Variants in ZNF446 observed in about 807,000 individuals in gnomAD.
ZNF446 encodes the protein zinc finger protein 446, also known as zinc finger protein with KRAB and SCAN domains 20.
A neutral mutation model predicts 34.0 loss-of-function variants in ZNF446; 42 were observed. That is an observed-to-expected ratio of 1.23 (90% CI 0.96 to 1.60). The LOEUF (loss-of-function observed/expected upper bound fraction) is 1.60, where lower values mean the gene tolerates loss of function less well. ZNF446 is among the 40% of genes most tolerant of loss of function. The pLI is 0.00. For missense variants in ZNF446, 650 were observed against 600.2 expected (o/e 1.08, Z -0.87); for synonymous variants, 315 against 251.0 (o/e 1.25, Z -2.41).
rs528099361 is a variant in ZNF446, at chr19:58,479,700, G to C, written c.685G>C (p.Glu229Gln). The C allele has an allele frequency of 1.2e-6, 2 of 1,613,632 alleles. No homozygotes were observed. The highest frequency in any genetic ancestry group is 2.2e-5 in the East Asian group (1 of 44,874). ...QKELYWDAMLEKYGTVVSLGL... is the reference protein window; with the variant it reads ...QKELYWDAMLQKYGTVVSLGL... ...GGAACTGTACTGGGATGCGATGCTG[G>C]AGAAGTACGGCACAGTGGTCTCCCT... is the stretch of plus-strand genomic sequence containing the variant. The change falls in exon 5 of 7, where the codon GAG (glutamate) becomes CAG (glutamine). Residue 229 changes from glutamate to glutamine, a missense_variant. Coordinates refer to ENST00000594369, the MANE Select transcript of ZNF446 (RefSeq NM_017908.4).
the ZNF446 span, among the ~76,000 whole-genome samples, chr19:58,487,018 T>TCTCGATCTC: frequency 1 from 151,500 of 151,784 alleles, 75,609 homozygotes; most frequent in East Asian, 1. Flanking sequence ...GCCAGGATGG[T>TCTCGATCTC]CTGACCTTGT....
At chr19:58,483,533 T>G (rs2053153836), downstream of ZNF446, 1 of 152,002 alleles carries the variant, frequency 6.6e-6, no homozygotes, top group African/African-American at 2.4e-5. Context: ...GGCGCATACC[T>G]GTAGTCCCAG....
chr19:58,479,604 G>T (rs1478494056), intron 4 of ZNF446, 39 bp from the exon 5 acceptor site: 1 of 1,605,378 alleles, frequency 6.2e-7, no homozygotes, highest in East Asian at 2.2e-5. Context: ...GGCAGGGAAG[G>T]GGTGGAAAGA....
rs776870474 is a variant in ZNF446, at chr19:58,477,713, C to T, written c.419C>T (p.Pro140Leu). The change falls in exon 3 of 7, where the codon CCC (proline) becomes CTC (leucine). Residue 140 changes from proline to leucine, a missense_variant. By Grantham distance (98) the Pro-to-Leu change is moderately conservative. Transcript: ENST00000594369. ...GAGGAACCACTTGGGAGCCCCCACC[C>T]CTCAGGGACAGTGGAGTCCCCTGGG... is the stretch of plus-strand genomic sequence containing the variant. ...KTEEPLGSPH[P>L]SGTVESPGEG... 1.9e-6 allele frequency: 3 copies of T among 1,613,908 alleles called. No individual in the cohort carries two copies. Among genetic ancestry groups the T allele is most frequent in the Non-Finnish European group, 2.5e-6 (3 of 1,180,008 alleles).
rs1212035839 is a variant in ZNF446, at chr19:58,477,320, C to T, written c.102C>T (p.Tyr34=). 20 of 1,613,242 alleles carry T rather than the reference C, an allele frequency of 1.2e-5. No homozygotes were observed. The highest frequency in any genetic ancestry group is 1.6e-5 in the Non-Finnish European group (19 of 1,179,992). ...GCCTCCGCTTCCGAGGGTTCTGCTACCAGGAGGTGGCAGGTCCCCGAGAAG... is the reference window on the plus strand; with the variant it reads ...GCCTCCGCTTCCGAGGGTTCTGCTATCAGGAGGTGGCAGGTCCCCGAGAAG... ...TARLRFRGFC[Y]QEVAGPREAL... The change falls in exon 2 of 7, where the codon TAC becomes TAT. Residue 34 remains tyrosine (Y), a synonymous_variant. Coordinates refer to ENST00000594369, the MANE Select transcript of ZNF446 (RefSeq NM_017908.4).
intron 4 of ZNF446, among the ~76,000 whole-genome samples, chr19:58,478,422 G>C (rs1012801079): frequency 6.6e-6 from 1 of 152,152 alleles, no homozygotes; most frequent in Non-Finnish European, 1.5e-5. Flanking sequence ...CTAGCACTTT[G>C]GGAGGCTGAG....
Position 58,479,925 on chromosome 19 carries a change from G to T in ZNF446, c.713-5G>T. 2 of 1,568,128 alleles carry T rather than the reference G, an allele frequency of 1.3e-6. No individual in the cohort carries two copies. The highest frequency in any genetic ancestry group is 8.6e-7 in the Non-Finnish European group (1 of 1,159,930). On this transcript the variant is annotated splice_region_variant and splice_polypyrimidine_tract_variant and intron_variant, in intron 5 of 6. Transcript: ENST00000594369. ...CATGCCTAACTGTGCCCCCCACCCG[G>T]GCAGGGTTACCGCCCCACCAGCCAG...
In ZNF446 at chr19:58,479,367, C is replaced by G. The variant is rs141228969; in HGVS notation, c.628-276C>G. The stretch of plus-strand genomic sequence containing the variant: ...ACCCCCAATCAGGGAGTTCATTCCT[C>G]GATAAAGTCACTCAGGTCCCTGTGA... On this transcript the variant is annotated intron_variant, in intron 4 of 6. Transcript: ENST00000594369. 4.0e-4 allele frequency: 176 copies of G among 435,002 alleles called. No individual in the cohort carries two copies. In the East Asian group the frequency reaches 7.7e-3, roughly 19 times the overall value. The allele number at this position is 435,002 out of a possible 1,614,324, so 26.9% of individuals were successfully genotyped here.
chr19:58,479,736 C>T lies in ZNF446; in HGVS notation c.712+9C>T. On this transcript the variant is annotated intron_variant, in intron 5 of 6. Coordinates refer to ENST00000594369, the MANE Select transcript of ZNF446 (RefSeq NM_017908.4). ...CACAGTGGTCTCCCTGGGTGAGGAC[C>T]AGCCAGCCCCACCCCGCCCCTCTCC... 6.2e-7 allele frequency: 1 copy of T among 1,606,566 alleles called. No individual in the cohort carries two copies. Among genetic ancestry groups the T allele is most frequent in the East Asian group, 2.2e-5 (1 of 44,532 alleles).
rs2053094473 is a variant in ZNF446, at chr19:58,477,232, T to C, written c.14T>C (p.Leu5Pro). 4 of 1,575,224 alleles carry C rather than the reference T, an allele frequency of 2.5e-6. No individual in the cohort carries two copies. Among genetic ancestry groups the C allele is most frequent in the Non-Finnish European group, 2.6e-6 (3 of 1,158,816 alleles). The change falls in exon 2 of 7, where the codon CTG becomes CCG. Residue 5 changes from leucine to proline, a missense_variant. Coordinates refer to ENST00000594369, the MANE Select transcript of ZNF446 (RefSeq NM_017908.4). MPSP[L>P]GPPCLPVMDP... is the part of the protein sequence containing the mutation. The stretch of plus-strand genomic sequence containing the variant: ...CCTTGAGCAAGAATGCCATCCCCTC[T>C]GGGTCCCCCATGCCTGCCCGTCATG...
chr19:58,487,029 G>A, the ZNF446 span, among the ~76,000 whole-genome samples: 1 of 101,806 alleles, frequency 9.8e-6, no homozygotes, highest in South Asian at 3.3e-4. Flanking sequence ...CTGACCTTGT[G>A]ATCCGTCCAC....
chr19:58,479,497 A>T, intron 4 of ZNF446, 146 bp from the exon 5 acceptor site: 1 of 806,606 alleles, frequency 1.2e-6, no homozygotes, highest in Non-Finnish European at 2.0e-6. Context: ...CACTTAACAA[A>T]CACACACCTT....
downstream of ZNF446, among the ~76,000 whole-genome samples, chr19:58,483,304 G>A (rs764210773): frequency 1.3e-5 from 2 of 152,140 alleles, no homozygotes; most frequent in Non-Finnish European, 2.9e-5. Flanking sequence ...TGGCCAACAT[G>A]GTGAAACCTC....
chr19:58,483,458 A>C (rs2053153306), downstream of ZNF446: 1 of 152,230 alleles, frequency 6.6e-6, no homozygotes, highest in Non-Finnish European at 1.5e-5. Context: ...ACTGCACTGC[A>C]GCCTGGGTGA....
chr19:58,481,712 C>T (rs893358016), downstream of ZNF446, among the ~76,000 whole-genome samples: 1 of 152,234 alleles, frequency 6.6e-6, no homozygotes, highest in African/African-American at 2.4e-5. Flanking sequence ...CAGCTTGAAA[C>T]AACAGATTCT....
At chr19:58,479,866 C>A in intron 5 of ZNF446, 64 bp from the exon 6 acceptor site, 7 of 1,412,246 alleles carry the variant, frequency 5.0e-6, no homozygotes, top group Non-Finnish European at 6.8e-6. Context: ...TGTCACCTAC[C>A]AGAACCGACC....
the ZNF446 span, among the ~76,000 whole-genome samples, chr19:58,486,465 T>TG: frequency 6.6e-6 from 1 of 152,080 alleles, no homozygotes; most frequent in Non-Finnish European, 1.5e-5. Context: ...TGGAGTGCAA[T>TG]GGGGTAATCT....
At chr19:58,486,475 T>C in the ZNF446 span, among the ~76,000 whole-genome samples, 1 of 152,126 alleles carries the variant, frequency 6.6e-6, no homozygotes. Context: ...TGGGGTAATC[T>C]CGGCTCACTG....
At chr19:58,482,712 A>G (rs149605744), downstream of ZNF446, among the ~76,000 whole-genome samples, 697 of 152,232 alleles carry the variant, frequency 4.6e-3, 2 homozygotes, top group African/African-American at 0.016. Flanking sequence ...CGTTGCTCCC[A>G]TGTGCAGGGC....
Sources: allele counts gnomAD v4.1 joint callset (sites outside exome capture counted in the v4.1 genomes callset), GRCh38; gene constraint gnomAD v4.1.1; transcripts MANE v1.5; gene names NCBI Gene and HGNC (gene_info 2026-07-23, HGNC 2026-07-21).